The following C1orf198 variants were observed in gnomAD, a reference collection of about 807,000 sequenced individuals.
C1orf198 encodes chromosome 1 open reading frame 198.
C1orf198 carries 17 observed loss-of-function variants against 31.4 expected under a neutral mutation model. The observed-to-expected ratio is 0.54, with a 90% CI of 0.37 to 0.81. The LOEUF (loss-of-function observed/expected upper bound fraction) is 0.81. Ranked by LOEUF, C1orf198 falls within the 40% of genes least tolerant of loss-of-function variation. The pLI, the probability that C1orf198 is intolerant of heterozygous loss-of-function variation, is 0.00. For missense variants in C1orf198, 401 were observed against 450.3 expected (o/e 0.89, Z 0.99); for synonymous variants, 175 against 193.8 (o/e 0.90, Z 0.81).
chr1:230,844,526 A>G (rs1008645785), intron 2 of C1orf198, among the ~76,000 whole-genome samples: 1 of 152,160 alleles, frequency 6.6e-6, no homozygotes, highest in African/African-American at 2.4e-5. Context: ...AAAACAACAC[A>G]AGAACACACT....
rs964211148 is a variant in C1orf198 at position 230,838,209 on chromosome 1, A to G, written c.*1643T>C. On this transcript the variant is annotated 3_prime_UTR_variant, in exon 4 of 4. Coordinates refer to ENST00000366663, the MANE Select transcript of C1orf198 (RefSeq NM_032800.3). This position sits in a 1 kb window ranked among gnomAD's most constrained non-coding sequence, Gnocchi z 4.2. The stretch of plus-strand genomic sequence containing the variant: ...CTAAGCTCCTTTTTCCCTCACCACC[A>G]TGCTGAAACCTTTTTTTGCCTCACA... 6.6e-6 allele frequency: 1 copy of G among 152,214 alleles called. No individual in the cohort carries two copies. The highest frequency in any genetic ancestry group is 6.5e-5 in the Admixed American group (1 of 15,278). The allele number at this position is 152,214 out of a possible 1,614,324, so 9.4% of individuals were successfully genotyped here. A position where few individuals can be genotyped will look rare whatever the true frequency, so the allele number is the denominator to read the frequency against.
chr1:230,868,470 C>T lies in C1orf198; in HGVS notation c.43G>A (p.Val15Ile), dbSNP rs1294025937. 2.0e-6 allele frequency: 3 copies of T among 1,519,146 alleles called. No individual in the cohort carries two copies. The highest frequency in any genetic ancestry group is 1.2e-5 in the South Asian group (1 of 81,818). 94.1% of individuals were successfully genotyped at this position (1,519,146 alleles called of 1,614,324 possible). Residue 15 changes from valine (V) to isoleucine (I), a missense_variant, in exon 1 of 4, where the codon GTC becomes ATC. Physicochemically the swap from Val to Ile is conservative, Grantham distance 29 (BLOSUM62 3). Transcript: ENST00000366663. ...AAAIAASRSA[V>I]MSGNRPLDDR... ...TCCAGAGGCCGGTTCCCGCTCATGA[C>T]CGCCGAGCGCGAAGCCGCGATCGCC...
At chr1:230,846,545 A>G (rs927034946) in intron 2 of C1orf198, among the ~76,000 whole-genome samples, 1 of 152,246 alleles carries the variant, frequency 6.6e-6, no homozygotes, top group South Asian at 2.1e-4. Flanking sequence ...TGAGATTTCT[A>G]AAAGTCCAGC....
chr1:230,847,013 G>T (rs1252369136), intron 2 of C1orf198, among the ~76,000 whole-genome samples: 1 of 148,946 alleles, frequency 6.7e-6, no homozygotes, highest in Non-Finnish European at 1.5e-5. Flanking sequence ...TGAGGCAGGA[G>T]AATGGCGTGA....
intron 2 of C1orf198, among the ~76,000 whole-genome samples, chr1:230,854,939 GTC>G (rs1396852200): frequency 6.6e-6 from 1 of 152,104 alleles, no homozygotes; most frequent in Non-Finnish European, 1.5e-5. Context: ...GCTCACCACC[GTC>G]TCTGTCTGTA....
chr1:230,841,300 C>T (rs771596659), intron 3 of C1orf198, among the ~76,000 whole-genome samples: 3 of 152,128 alleles, frequency 2.0e-5, no homozygotes, highest in African/African-American at 7.2e-5. Flanking sequence ...GATGTGGAGC[C>T]GAGGTGGGCA....
rs186855507 is a variant in C1orf198, at chr1:230,848,890, T to C, written c.385-4994A>G. 4.8e-3 allele frequency among the ~76,000 whole-genome samples: 726 copies of C among 152,194 alleles called. 5 individuals carry two copies. The highest frequency in any genetic ancestry group is 7.7e-3 in the South Asian group (37 of 4,820). On this transcript the variant is annotated intron_variant, in intron 2 of 3. Coordinates refer to ENST00000366663, the MANE Select transcript of C1orf198 (RefSeq NM_032800.3). ...AAAAACAGACTCTAGCAGGGCCAGG[T>C]GGGGGCCCAGGGGAGATCAAGCCCA... is the stretch of plus-strand genomic sequence containing the variant.
Position 230,857,050 on chromosome 1 carries a change from G to A in C1orf198, c.334-1332C>T, listed in dbSNP as rs1171739072. 6.6e-6 allele frequency among the ~76,000 whole-genome samples: 1 copy of A among 152,174 alleles called. No homozygotes were observed. Among genetic ancestry groups the A allele is most frequent in the Non-Finnish European group, 1.5e-5 (1 of 68,032 alleles). ...GGGAGTGCCTCACCAACACATAAGT[G>A]TACACATTCAGCCTTCCAGACCCCG... On this transcript the variant is annotated intron_variant, in intron 1 of 3. Coordinates refer to ENST00000366663, the MANE Select transcript of C1orf198 (RefSeq NM_032800.3). The surrounding 1 kb of genome is among the most constrained non-coding windows in gnomAD (Gnocchi z 4.2).
chr1:230,865,785 T>C (rs537728037), intron 1 of C1orf198, among the ~76,000 whole-genome samples: 2 of 152,372 alleles, frequency 1.3e-5, no homozygotes, highest in East Asian at 1.9e-4. Flanking sequence ...TTTCTATTTG[T>C]TCCTGCAATA....
Position 230,843,530 on chromosome 1 carries a change from C to T in C1orf198, c.751G>A (p.Glu251Lys), listed in dbSNP as rs1268560946. 2.5e-6 allele frequency: 4 copies of T among 1,612,264 alleles called. No homozygotes were observed. The highest frequency in any genetic ancestry group is 2.2e-5 in the South Asian group (2 of 91,000). ...CTCACGTTGGGAAGAGGACGCTGCT[C>T]CTGACGGAGGGTGCTGGGCCTTTCC... Reference protein sequence around the residue: ...KVERPSTLRQEQRPLPNVSTE... With the variant: ...KVERPSTLRQKQRPLPNVSTE... Residue 251 changes from glutamate to lysine, a missense_variant, in exon 3 of 4, where the codon GAG (glutamate) becomes AAG (lysine). By Grantham distance (56) the Glu-to-Lys change is moderately conservative. Coordinates refer to ENST00000366663, the MANE Select transcript of C1orf198 (RefSeq NM_032800.3). This position sits in a 1 kb window ranked among gnomAD's most constrained non-coding sequence, Gnocchi z 4.9.
chr1:230,838,047 T>C lies in C1orf198; in HGVS notation c.*1805A>G, dbSNP rs967323055. 1 of 152,242 alleles carries C rather than the reference T, an allele frequency of 6.6e-6. No homozygotes were observed. The highest frequency in any genetic ancestry group is 6.5e-5 in the Admixed American group (1 of 15,284). The allele number at this position is 152,242 out of a possible 1,614,324, so 9.4% of individuals were successfully genotyped here. On this transcript the variant is annotated 3_prime_UTR_variant, in exon 4 of 4. Transcript: ENST00000366663. This position sits in a 1 kb window ranked among gnomAD's most constrained non-coding sequence, Gnocchi z 4.2. ...ACTCATACATATACATTTGCTACCA[T>C]AGGTTCTACAACAGCCCCATGCCCT...
chr1:230,854,400 T>C (rs1485633035), intron 2 of C1orf198, among the ~76,000 whole-genome samples: 5 of 152,316 alleles, frequency 3.3e-5, no homozygotes, highest in East Asian at 1.9e-4. Flanking sequence ...ATGACTTCCT[T>C]TGCAATGTCA....
rs111608649 is a variant in C1orf198, at chr1:230,844,134, G to C, written c.385-238C>G. ...AAGGCCGGGTGACAGAGTGTGGGTG[G>C]TGGTCCCCTCCCAAATCTCATGTCG... On this transcript the variant is annotated intron_variant, in intron 2 of 3. Coordinates refer to ENST00000366663, the MANE Select transcript of C1orf198 (RefSeq NM_032800.3). 2.5e-3 allele frequency among the ~76,000 whole-genome samples: 379 copies of C among 152,190 alleles called. 3 individuals are homozygous for C. Among genetic ancestry groups the C allele is most frequent in the African/African-American group, 8.8e-3 (365 of 41,510 alleles).
At position 230,839,849 on chromosome 1, in the gene C1orf198, A is replaced by C. The variant is rs369345382; in HGVS notation, c.*3T>G. On this transcript the variant is annotated 3_prime_UTR_variant, in exon 4 of 4. Transcript: ENST00000366663. The stretch of plus-strand genomic sequence containing the variant: ...GTTCTTCATTGTATTTTTCTAATAC[A>C]TTTTACCAATTGTCCAGAAAATCAA... 1.3e-5 allele frequency: 21 copies of C among 1,611,222 alleles called. No homozygotes were observed. The highest frequency in any genetic ancestry group is 1.7e-5 in the Admixed American group (1 of 59,506).
rs71179741 is a variant in C1orf198 at position 230,847,102 on chromosome 1, C to CAAA, written c.385-3209_385-3207dup. 2.4e-4 allele frequency among the ~76,000 whole-genome samples: 17 copies of CAAA among 69,692 alleles called. 1 individual carries two copies. Among genetic ancestry groups the CAAA allele is most frequent in the East Asian group, 2.3e-3 (5 of 2,142 alleles). 45.7% of individuals were successfully genotyped at this position (69,692 alleles called of 152,430 possible). On this transcript the variant is annotated intron_variant, in intron 2 of 3. Transcript: ENST00000366663. ...TGGGCGACAGAGCGAGACTCCGTCT[C>CAAA]AAAAAAAAAAAAAAAAAAAAAAAAA...
chr1:230,851,344 G>A (rs1204148603), intron 2 of C1orf198, among the ~76,000 whole-genome samples: 1 of 152,046 alleles, frequency 6.6e-6, no homozygotes, highest in Non-Finnish European at 1.5e-5. Flanking sequence ...AGCCAACCAA[G>A]AGCCCAGCCA....
In C1orf198 at chr1:230,838,528, AAAG is replaced by A. The variant is rs1379420434; in HGVS notation, c.*1321_*1323del. On this transcript the variant is annotated 3_prime_UTR_variant, in exon 4 of 4. Coordinates refer to ENST00000366663, the MANE Select transcript of C1orf198 (RefSeq NM_032800.3). This position sits in a 1 kb window ranked among gnomAD's most constrained non-coding sequence, Gnocchi z 4.2. The stretch of plus-strand genomic sequence containing the variant: ...AAACAGGCATTTAAAAAAAAAAAAA[AAAG>A]AAGAAGACACACTTTGGTATTGAAA... 3.9e-5 allele frequency: 6 copies of A among 152,464 alleles called. No individual in the cohort carries two copies. Among genetic ancestry groups the A allele is most frequent in the Middle Eastern group, 3.1e-3 (1 of 318 alleles). 9.4% of individuals were successfully genotyped at this position (152,464 alleles called of 1,614,324 possible).
At chr1:230,867,887 G>T (rs1264997693) in intron 1 of C1orf198, among the ~76,000 whole-genome samples, 1 of 152,072 alleles carries the variant, frequency 6.6e-6, no homozygotes, top group East Asian at 1.9e-4. Context: ...GGTCAGCCTC[G>T]CTTACGACAG....
At chr1:230,844,153 C>G (rs1011985143) in intron 2 of C1orf198, among the ~76,000 whole-genome samples, 2 of 152,090 alleles carry the variant, frequency 1.3e-5, no homozygotes, top group East Asian at 3.9e-4. Context: ...TCCCAAATCT[C>G]ATGTCGAACT....
Sources: allele counts gnomAD v4.1 joint callset (sites outside exome capture counted in the v4.1 genomes callset), GRCh38; gene constraint gnomAD v4.1.1; non-coding constraint Gnocchi (gnomAD v3.1); transcripts MANE v1.5; gene names NCBI Gene and HGNC (gene_info 2026-07-23, HGNC 2026-07-21).